The following RAB31 variants were observed in gnomAD, a reference collection of about 807,000 sequenced individuals.
RAB31 encodes the protein RAB31, member RAS oncogene family.
RAB31 carries 21 observed loss-of-function variants against 25.6 expected under a neutral mutation model. The ratio of observed to expected loss-of-function variants is 0.82; its 90% CI spans 0.58 to 1.18. The LOEUF (loss-of-function observed/expected upper bound fraction) is 1.18. Among genes scored for constraint, RAB31 ranks in the 50% most tolerant of loss-of-function variants. RAB31 has a pLI of 0.00. For missense variants in RAB31, 196 were observed against 250.1 expected, an observed-to-expected ratio of 0.78 and a Z score of 1.46; for synonymous variants, 87 against 84.0, an observed-to-expected ratio of 1.04 and a Z score of -0.20.
At chr18:9,712,022 T>A (rs573204411) in intron 1 of RAB31, among the ~76,000 whole-genome samples, 1 of 152,256 alleles carries the variant, frequency 6.6e-6, no homozygotes, top group South Asian at 2.1e-4. Flanking sequence ...GGGTCGGAGG[T>A]CTTACCTCCT....
At chr18:9,811,268 A>C (rs1449341313) in intron 3 of RAB31, among the ~76,000 whole-genome samples, 1 of 152,182 alleles carries the variant, frequency 6.6e-6, no homozygotes, top group African/African-American at 2.4e-5. Context: ...GAGGCTCCAG[A>C]GTCCTTTCTC....
At chr18:9,711,797 A>G (rs2068018812) in intron 1 of RAB31, among the ~76,000 whole-genome samples, 1 of 152,216 alleles carries the variant, frequency 6.6e-6, no homozygotes, top group Non-Finnish European at 1.5e-5. Context: ...GGTTTCCCTT[A>G]TAAGGTGATA....
chr18:9,845,522 G>A, intron 5 of RAB31, 60 bp from the exon 6 acceptor site: 1 of 1,410,746 alleles, frequency 7.1e-7, no homozygotes, highest in South Asian at 1.5e-5. Flanking sequence ...TGGTCTTTTG[G>A]GTGATTTGTA....
At chr18:9,806,936 C>T (rs894394051) in intron 3 of RAB31, among the ~76,000 whole-genome samples, 2 of 152,170 alleles carry the variant, frequency 1.3e-5, no homozygotes, top group African/African-American at 4.8e-5. Flanking sequence ...ATTCTGTGGT[C>T]AGTGTAAATA....
chr18:9,743,953 C>T (rs539376717), intron 1 of RAB31, among the ~76,000 whole-genome samples: 1 of 152,236 alleles, frequency 6.6e-6, no homozygotes, highest in Non-Finnish European at 1.5e-5. Flanking sequence ...GCTCCACTTA[C>T]CTCCTCTATA....
chr18:9,845,294 T>C lies in RAB31; in HGVS notation c.381-288T>C, dbSNP rs567175581. Among the ~76,000 whole-genome samples, 4 of 152,340 alleles carry C rather than the reference T, an allele frequency of 2.6e-5. No individual in the cohort carries two copies. The South Asian group carries it at 8.3e-4, about 32-fold the overall frequency. On this transcript the variant is annotated intron_variant, in intron 5 of 6. Coordinates refer to ENST00000578921, the MANE Select transcript of RAB31 (RefSeq NM_006868.4). ...TCAGCTGTAGCTCTGAAAGCTGAAA[T>C]GTGTACTGCCATATTTGTCATGGTT... is the stretch of plus-strand genomic sequence containing the variant.
At chr18:9,850,982 T>C (rs1282457717) in intron 6 of RAB31, among the ~76,000 whole-genome samples, 3 of 152,180 alleles carry the variant, frequency 2.0e-5, no homozygotes, top group Non-Finnish European at 4.4e-5. Flanking sequence ...GACTTGTGGG[T>C]AGTGATCATG....
intron 5 of RAB31, among the ~76,000 whole-genome samples, chr18:9,825,758 T>G (rs1418302719): frequency 6.6e-6 from 1 of 152,236 alleles, no homozygotes; most frequent in Non-Finnish European, 1.5e-5. Flanking sequence ...CCCTTCAGGC[T>G]TCCTGGAGAA....
intron 1 of RAB31, among the ~76,000 whole-genome samples, chr18:9,763,869 G>A (rs951056210): frequency 6.6e-6 from 1 of 152,062 alleles, no homozygotes; most frequent in African/African-American, 2.4e-5. Flanking sequence ...TTTTATGAGA[G>A]TCCAAATCCA....
intron 1 of RAB31, among the ~76,000 whole-genome samples, chr18:9,764,699 A>AT (rs942704644): frequency 2.6e-5 from 4 of 151,700 alleles, no homozygotes; most frequent in African/African-American, 7.3e-5. Context: ...TCTCCTGGCC[A>AT]TTTTTTTGTA....
chr18:9,821,940 T>C (rs975068658), intron 5 of RAB31, among the ~76,000 whole-genome samples: 1 of 152,198 alleles, frequency 6.6e-6, no homozygotes, highest in Non-Finnish European at 1.5e-5. Context: ...GCAAGGTTTT[T>C]TGTAAACATA....
intron 2 of RAB31, among the ~76,000 whole-genome samples, chr18:9,791,891 C>T (rs2145500253): frequency 6.6e-6 from 1 of 152,342 alleles, no homozygotes; most frequent in African/African-American, 2.4e-5. Context: ...GCATGAACCA[C>T]CGCGCCTGGC....
chr18:9,830,309 A>C (rs939946349), intron 5 of RAB31: 1 of 151,412 alleles, frequency 6.6e-6, no homozygotes, highest in African/African-American at 2.4e-5. Flanking sequence ...CACCGCACCC[A>C]GTTCTTTTTT....
In RAB31 at chr18:9,724,869, C is replaced by T. The variant is rs540718913; in HGVS notation, c.39+16425C>T. ...TTGCCGCATAACAAACTACCCTGAC[C>T]TCAGTGGCTCCAAATAACAACTTGT... On this transcript the variant is annotated intron_variant, in intron 1 of 6. Coordinates refer to ENST00000578921, the MANE Select transcript of RAB31 (RefSeq NM_006868.4). Among the ~76,000 whole-genome samples the T allele has an allele frequency of 7.9e-5, 12 of 152,338 alleles. No individual in the cohort carries two copies. The South Asian group carries it at 2.3e-3, about 29-fold the overall frequency.
chr18:9,722,611 T>A (rs775841280), intron 1 of RAB31: 1 of 152,210 alleles, frequency 6.6e-6, no homozygotes, highest in Non-Finnish European at 1.5e-5. Flanking sequence ...CCCTTATTAT[T>A]TGTGTATATT....
intron 1 of RAB31, among the ~76,000 whole-genome samples, chr18:9,715,511 T>A (rs1244352693): frequency 1.3e-5 from 2 of 150,380 alleles, no homozygotes; most frequent in East Asian, 3.9e-4. Context: ...TCACTTGTCC[T>A]TTGTCTCTCT....
At chr18:9,773,975 T>C (rs2068358924) in intron 1 of RAB31, among the ~76,000 whole-genome samples, 1 of 152,206 alleles carries the variant, frequency 6.6e-6, no homozygotes, top group Admixed American at 6.5e-5. Context: ...TTTAAATTTC[T>C]AAGAGGTTGG....
At chr18:9,734,578 G>T (rs941883346) in intron 1 of RAB31, among the ~76,000 whole-genome samples, 3 of 152,116 alleles carry the variant, frequency 2.0e-5, no homozygotes, top group Admixed American at 2.0e-4. Context: ...TGAAGGTGAG[G>T]AACAGCAGAA....
chr18:9,777,120 T>A (rs1041418370), intron 2 of RAB31, among the ~76,000 whole-genome samples: 2 of 152,048 alleles, frequency 1.3e-5, no homozygotes, highest in African/African-American at 4.8e-5. Context: ...GGTGGGCAGA[T>A]CACATGAGGT....
Sources: allele counts gnomAD v4.1 joint callset (sites outside exome capture counted in the v4.1 genomes callset), GRCh38; gene constraint gnomAD v4.1.1; transcripts MANE v1.5; gene names NCBI Gene and HGNC (gene_info 2026-07-23, HGNC 2026-07-21).